The following HEBP2 variants were observed in gnomAD, a reference collection of about 807,000 sequenced individuals.
HEBP2 encodes the protein heme binding protein 2.
In HEBP2, 27 loss-of-function variants were observed where a neutral mutation model predicts 23.1. The observed-to-expected ratio is 1.17, with a 90% CI of 0.86 to 1.61. The LOEUF (loss-of-function observed/expected upper bound fraction) is 1.61, where lower values mean the gene tolerates loss of function less well. HEBP2 is among the 40% of genes most tolerant of loss of function. HEBP2 has a pLI of 0.00. For synonymous variants in HEBP2, 99 were observed against 95.1 expected (o/e 1.04, Z -0.24); for missense variants, 245 against 253.8 (o/e 0.97, Z 0.24).
At chr6:138,405,571 G>A (rs965549129) in intron 2 of HEBP2, among the ~76,000 whole-genome samples, 1 of 152,164 alleles carries the variant, frequency 6.6e-6, no homozygotes, top group Non-Finnish European at 1.5e-5. Context: ...GATCAGAGAC[G>A]TCAGGAGGCA....
intron 3 of HEBP2, among the ~76,000 whole-genome samples, chr6:138,410,479 C>CT (rs59336303): frequency 0.038 from 5,174 of 134,870 alleles, 106 homozygotes; most frequent in East Asian, 0.087. Flanking sequence ...ATGTTTCTTT[C>CT]TTTTTTTTTT....
At chr6:138,408,762 G>A (rs1338723264) in intron 3 of HEBP2, among the ~76,000 whole-genome samples, 1 of 152,140 alleles carries the variant, frequency 6.6e-6, no homozygotes, top group Non-Finnish European at 1.5e-5. Context: ...TAGGATCACT[G>A]TCGATGCCTG....
chr6:138,405,675 C>G (rs1425413702), intron 2 of HEBP2, among the ~76,000 whole-genome samples: 1 of 152,180 alleles, frequency 6.6e-6, no homozygotes, highest in Non-Finnish European at 1.5e-5. Context: ...TGTGGGACCT[C>G]ATTTTCTGAA....
rs1191956962 is a variant in HEBP2 at position 138,414,984 on chromosome 6, T to A, written c.*1906T>A. ...ATTGCTTGAGCTCGGGAGGCGGAGG[T>A]TGCAGTGAGTCCTGATCATGCCACT... On this transcript the variant is annotated 3_prime_UTR_variant, in exon 4 of 4. Coordinates refer to ENST00000607197, the MANE Select transcript of HEBP2 (RefSeq NM_014320.3). 6.6e-6 allele frequency: 1 copy of A among 151,884 alleles called. No individual in the cohort carries two copies. Among genetic ancestry groups the A allele is most frequent in the Non-Finnish European group, 1.5e-5 (1 of 67,998 alleles). 9.4% of individuals were successfully genotyped at this position (151,884 alleles called of 1,614,324 possible). A position where few individuals can be genotyped will look rare whatever the true frequency, so the allele number is the denominator to read the frequency against.
At chr6:138,403,615 G>A, upstream of HEBP2, 1 of 449,754 alleles carries the variant, frequency 2.2e-6, no homozygotes, top group East Asian at 3.5e-5. Context: ...CGCCGCAGGG[G>A]ACAGTAACGC....
intron 3 of HEBP2, among the ~76,000 whole-genome samples, chr6:138,407,215 T>C (rs1251348697): frequency 6.6e-6 from 1 of 152,122 alleles, no homozygotes; most frequent in African/African-American, 2.4e-5. Context: ...CAAAATCAAA[T>C]CTGAGGCTCA....
intron 3 of HEBP2, chr6:138,412,176 G>A (rs1359549835): frequency 5.2e-6 from 2 of 381,116 alleles, no homozygotes; most frequent in South Asian, 2.0e-5. Flanking sequence ...CAGCAGCACC[G>A]GCATGGATGT....
Position 138,417,569 on chromosome 6 carries a change from G to C in HEBP2, c.*4491G>C, listed in dbSNP as rs757096054. The C allele has an allele frequency of 6.6e-6, 1 of 152,518 alleles. No individual in the cohort carries two copies. The highest frequency in any genetic ancestry group is 6.5e-5 in the Admixed American group (1 of 15,284). 9.4% of individuals were successfully genotyped at this position (152,518 alleles called of 1,614,324 possible). ...AGTCCAGTGATTGCTCAGGCGAATG[G>C]CCTGGAGGCAGTTTCTAGGCAGCAA... On this transcript the variant is annotated 3_prime_UTR_variant, in exon 4 of 4. Transcript: ENST00000607197.
intron 1 of HEBP2, 99 bp from the exon 2 acceptor site, chr6:138,405,046 A>C (rs6919872): frequency 0.083 from 111,828 of 1,342,068 alleles, 10,108 homozygotes; most frequent in African/African-American, 0.45. Context: ...CCTAGACAGG[A>C]CGGCTCCAGG....
In HEBP2 at chr6:138,421,217, A is replaced by G. The variant is rs1451005633; in HGVS notation, c.*8139A>G. ...GCTGCTGTGCTCATTTGATGATGGA[A>G]TCAGCATCGCATGCAGGCTGAACCC... On this transcript the variant is annotated 3_prime_UTR_variant, in exon 4 of 4. Coordinates refer to ENST00000607197, the MANE Select transcript of HEBP2 (RefSeq NM_014320.3). The G allele has an allele frequency of 6.6e-6, 1 of 152,202 alleles. No individual in the cohort carries two copies. Among genetic ancestry groups the G allele is most frequent in the Non-Finnish European group, 1.5e-5 (1 of 68,030 alleles). The allele number at this position is 152,202 out of a possible 1,614,324, so 9.4% of individuals were successfully genotyped here. A position where few individuals can be genotyped will look rare whatever the true frequency, so the allele number is the denominator to read the frequency against.
chr6:138,403,789 C>T (rs1774579540), upstream of HEBP2: 1 of 401,828 alleles, frequency 2.5e-6, no homozygotes, highest in Non-Finnish European at 4.4e-6. Context: ...CTCAGAGGGT[C>T]TGGGGTCCTG....
In HEBP2 at chr6:138,409,710, C is replaced by A. The variant is rs755458035; in HGVS notation, c.420-3170C>A. On this transcript the variant is annotated intron_variant, in intron 3 of 3. Coordinates refer to ENST00000607197, the MANE Select transcript of HEBP2 (RefSeq NM_014320.3). ...CTCCGTTGGATTCCTCTTGCCTCCCCAGGGAAGCTCAGATTGTTCACACGG... is the reference window on the plus strand; with the variant it reads ...CTCCGTTGGATTCCTCTTGCCTCCCAAGGGAAGCTCAGATTGTTCACACGG... Among the ~76,000 whole-genome samples the A allele has an allele frequency of 4.3e-3, 653 of 152,286 alleles. 1 individual carries two copies. The highest frequency in any genetic ancestry group is 6.9e-3 in the Non-Finnish European group (468 of 67,980).
Position 138,420,815 on chromosome 6 carries a change from A to G in HEBP2, c.*7737A>G, listed in dbSNP as rs1774911741. On this transcript the variant is annotated 3_prime_UTR_variant, in exon 4 of 4. Transcript: ENST00000607197. Reference sequence around the variant, plus strand: ...TTTTCCTTTCAAAGGTGCTTACTCCAATAATAAATCCTTTGGTATTCTAAC... The same window carrying G: ...TTTTCCTTTCAAAGGTGCTTACTCCGATAATAAATCCTTTGGTATTCTAAC... 6.6e-6 allele frequency: 1 copy of G among 152,228 alleles called. No homozygotes were observed. The highest frequency in any genetic ancestry group is 1.5e-5 in the Non-Finnish European group (1 of 68,042). 9.4% of individuals were successfully genotyped at this position (152,228 alleles called of 1,614,324 possible).
chr6:138,412,958 A>G lies in HEBP2; in HGVS notation c.498A>G (p.Gly166=). ...LTLASILRED[G]KVFDEKVYYT... is the part of the protein sequence containing the mutation. ...TAGCAAGCATTTTAAGGGAAGATGG[A>G]AAAGTTTTCGATGAGAAGGTTTACT... The change falls in exon 4 of 4, where the codon GGA becomes GGG. Residue 166 remains glycine, a synonymous_variant. Coordinates refer to ENST00000607197, the MANE Select transcript of HEBP2 (RefSeq NM_014320.3). 6.2e-7 allele frequency: 1 copy of G among 1,614,164 alleles called. No individual in the cohort carries two copies. The highest frequency in any genetic ancestry group is 1.3e-5 in the African/African-American group (1 of 75,064).
At chr6:138,408,934 C>T (rs1774696050) in intron 3 of HEBP2, among the ~76,000 whole-genome samples, 1 of 152,158 alleles carries the variant, frequency 6.6e-6, no homozygotes, top group South Asian at 2.1e-4. Context: ...AACTCAACAA[C>T]CCTAAAAATG....
intron 3 of HEBP2, among the ~76,000 whole-genome samples, chr6:138,407,602 G>A (rs549513425): frequency 1.3e-5 from 2 of 152,302 alleles, no homozygotes; most frequent in East Asian, 1.9e-4. Context: ...ATTGCACACC[G>A]GTGGCCCTCC....
In HEBP2 at chr6:138,418,671, G is replaced by A. The variant is rs1023209691; in HGVS notation, c.*5593G>A. 1 of 152,228 alleles carries A rather than the reference G, an allele frequency of 6.6e-6. No individual in the cohort carries two copies. Among genetic ancestry groups the A allele is most frequent in the African/African-American group, 2.4e-5 (1 of 41,448 alleles). 9.4% of individuals were successfully genotyped at this position (152,228 alleles called of 1,614,324 possible). A position where few individuals can be genotyped will look rare whatever the true frequency, so the allele number is the denominator to read the frequency against. ...ACATCCCCCCTCCCTGTGGTTGTTG[G>A]AGGACCTGTATGATCCACTGAAGGA... is the stretch of plus-strand genomic sequence containing the variant. On this transcript the variant is annotated 3_prime_UTR_variant, in exon 4 of 4. Transcript: ENST00000607197.
At position 138,419,626 on chromosome 6, in the gene HEBP2, A is replaced by G. The variant is rs1583109484; in HGVS notation, c.*6548A>G. ...GCTTTAGTGCCAGGTGGGAGACAAT[A>G]CCCTGCCAAGATGTGCCACCGTCTC... On this transcript the variant is annotated 3_prime_UTR_variant, in exon 4 of 4. Transcript: ENST00000607197. The G allele has an allele frequency of 1.3e-5, 2 of 152,066 alleles. No individual in the cohort carries two copies. 9.4% of individuals were successfully genotyped at this position (152,066 alleles called of 1,614,324 possible).
chr6:138,408,551 A>G lies in HEBP2; in HGVS notation c.419+2400A>G, dbSNP rs6900366. 8.9e-3 allele frequency among the ~76,000 whole-genome samples: 1,352 copies of G among 152,108 alleles called. 23 individuals are homozygous for G. The highest frequency in any genetic ancestry group is 0.03 in the African/African-American group (1,253 of 41,492). On this transcript the variant is annotated intron_variant, in intron 3 of 3. Transcript: ENST00000607197. ...CTGGTATGACTCCCACTCTCTCCTT[A>G]GACTGCCGTTGCCATCCTCAGCAGT...
Sources: allele counts gnomAD v4.1 joint callset (sites outside exome capture counted in the v4.1 genomes callset), GRCh38; gene constraint gnomAD v4.1.1; transcripts MANE v1.5; gene names NCBI Gene and HGNC (gene_info 2026-07-23, HGNC 2026-07-21).